Variants in TMEM255A observed in about 807,000 individuals in gnomAD.
TMEM255A encodes the protein transmembrane protein 255A.
Under a neutral mutation model 23.5 loss-of-function variants are expected in TMEM255A, and 14 were observed. The observed-to-expected ratio is 0.60, with a 90% CI of 0.39 to 0.93. The LOEUF is 0.93. Ranked by LOEUF, TMEM255A falls within the 40% of genes least tolerant of loss-of-function variation. TMEM255A has a pLI of 0.00. For missense variants in TMEM255A, 233 were observed against 261.7 expected (o/e 0.89, Z 0.76); for synonymous variants, 104 against 100.3 (o/e 1.04, Z -0.22).
chrX:120,302,620 C>G (rs1556026207), intron 2 of TMEM255A, among the ~76,000 whole-genome samples: 1 of 110,079 alleles, frequency 9.1e-6, no homozygotes, highest in African/African-American at 3.3e-5. Context: ...ATGTTTAACA[C>G]AGGGCACCAA....
chrX:120,287,226 A>G lies in TMEM255A; in HGVS notation c.355-4T>C. ...TAGCGTAGAGTGGTTTCAGATCCTG[A>G]AAAGGGAAACACCAAAACAAAGGGG... On this transcript the variant is annotated splice_polypyrimidine_tract_variant and splice_region_variant and intron_variant, in intron 4 of 8. Transcript: ENST00000371369. 1 of 1,205,571 alleles carries G rather than the reference A, an allele frequency of 8.3e-7. No homozygotes were observed. Among genetic ancestry groups the G allele is most frequent in the Non-Finnish European group, 1.1e-6 (1 of 890,731 alleles).
intron 3 of TMEM255A, among the ~76,000 whole-genome samples, chrX:120,292,760 G>A (rs1181512457): frequency 9.9e-6 from 1 of 101,437 alleles, no homozygotes; most frequent in East Asian, 3.0e-4. Context: ...ACTCCATCTC[G>A]AAAAAAAAAA....
intron 1 of TMEM255A, chrX:120,310,089 A>G (rs782656050): frequency 1.5e-4 from 17 of 111,087 alleles, no homozygotes; most frequent in Non-Finnish European, 2.6e-4. Context: ...ATGTTCCCGC[A>G]AATTCATCGG....
chrX:120,253,578 A>G, the TMEM255A span: 1 of 1,212,045 alleles, frequency 8.3e-7, no homozygotes, highest in East Asian at 3.0e-5. Flanking sequence ...AGCTTCTAGT[A>G]CCTACTTCCA....
chrX:120,281,006 T>C lies in TMEM255A; in HGVS notation c.513-3959A>G, dbSNP rs187994945. The stretch of plus-strand genomic sequence containing the variant: ...AGTCTATTCCTCTTAGTTTGGCACT[T>C]TGTATATATCAATAATTCAGTTATT... On this transcript the variant is annotated intron_variant, in intron 6 of 8. Transcript: ENST00000371369. Among the ~76,000 whole-genome samples the C allele has an allele frequency of 1.1e-4, 12 of 112,625 alleles. No homozygotes were observed. The East Asian group carries it at 2.8e-3, about 26-fold the overall frequency.
At chrX:120,311,208 C>G (rs1556028307) in intron 1 of TMEM255A, 44 bp downstream of exon 1, 19 of 1,123,413 alleles carry the variant, frequency 1.7e-5, no homozygotes, top group Middle Eastern at 4.8e-4. Flanking sequence ...CCAGGGCACT[C>G]AACCCCTGCT....
At position 120,287,233 on chromosome X, in the gene TMEM255A, A is replaced by T. The variant is rs368165000; in HGVS notation, c.355-11T>A. The T allele has an allele frequency of 8.4e-7, 1 of 1,196,931 alleles. No homozygotes were observed. Among genetic ancestry groups the T allele is most frequent in the Non-Finnish European group, 1.1e-6 (1 of 885,248 alleles). On this transcript the variant is annotated splice_polypyrimidine_tract_variant and intron_variant, in intron 4 of 8. Transcript: ENST00000371369. ...GAGTGGTTTCAGATCCTGAAAAGGG[A>T]AACACCAAAACAAAGGGGTTTTGAC...
At chrX:120,304,808 G>GTGGTT (rs1422634335) in intron 1 of TMEM255A, among the ~76,000 whole-genome samples, 1 of 112,055 alleles carries the variant, frequency 8.9e-6, no homozygotes, top group African/African-American at 3.2e-5. Context: ...ACTTAGTAGA[G>GTGGTT]TGGTTTTTTA....
downstream of TMEM255A, chrX:120,254,068 A>T (rs143114425): frequency 8.0e-4 from 968 of 1,209,253 alleles, no homozygotes; most frequent in Non-Finnish European, 9.2e-4. Context: ...GCACAGGTCC[A>T]ATCTAACCCA....
intron 3 of TMEM255A, among the ~76,000 whole-genome samples, chrX:120,291,972 A>T (rs1206492072): frequency 1.8e-5 from 2 of 111,367 alleles, no homozygotes; most frequent in African/African-American, 6.5e-5. Context: ...CAAAGGATTG[A>T]AGTCTCTGAA....
chrX:120,303,259 C>A (rs1443205657), intron 2 of TMEM255A, among the ~76,000 whole-genome samples: 1 of 111,284 alleles, frequency 9.0e-6, no homozygotes, highest in Admixed American at 9.6e-5. Flanking sequence ...AATAAGAAAC[C>A]AAACATTACT....
chrX:120,298,411 TTAAAA>T (rs1172948080), intron 2 of TMEM255A, among the ~76,000 whole-genome samples: 1 of 111,531 alleles, frequency 9.0e-6, no homozygotes, highest in Non-Finnish European at 1.9e-5. Flanking sequence ...CACAAAGTTC[TTAAAA>T]TAAAAAAGTG....
In TMEM255A at chrX:120,291,345, A is replaced by AG. The variant is rs782250675; in HGVS notation, c.265-6dup. The AG allele has an allele frequency of 8.3e-7, 1 of 1,199,104 alleles. No individual in the cohort carries two copies. The highest frequency in any genetic ancestry group is 1.8e-5 in the South Asian group (1 of 55,586). ...AAACACGATAGAAGCCACCAGCTGT[A>AG]GGGGGGAATAAAACAAAAGCGTCTG... On this transcript the variant is annotated splice_region_variant and splice_polypyrimidine_tract_variant and intron_variant, in intron 3 of 8. Coordinates refer to ENST00000371369, the MANE Select transcript of TMEM255A (RefSeq NM_001104544.3).
intron 5 of TMEM255A, chrX:120,285,508 A>G (rs782165241): frequency 1.9e-4 from 188 of 978,122 alleles, no homozygotes; most frequent in Non-Finnish European, 2.5e-4. Context: ...GGAAGAACAA[A>G]TGGACTGAAG....
intron 8 of TMEM255A, among the ~76,000 whole-genome samples, chrX:120,267,721 C>T (rs782628652): frequency 8.9e-6 from 1 of 111,938 alleles, no homozygotes; most frequent in Admixed American, 9.5e-5. Context: ...TAAAAATACT[C>T]TGTGTATTGC....
intron 1 of TMEM255A, among the ~76,000 whole-genome samples, chrX:120,307,345 CG>C: frequency 9.0e-6 from 1 of 111,643 alleles, no homozygotes; most frequent in Admixed American, 9.5e-5. Flanking sequence ...GAAGTACAGC[CG>C]TGTTCTTATT....
intron 8 of TMEM255A, among the ~76,000 whole-genome samples, chrX:120,263,762 C>A (rs2057696401): frequency 1.0e-5 from 1 of 99,921 alleles, no homozygotes; most frequent in African/African-American, 3.8e-5. Flanking sequence ...GAGTCAGGAA[C>A]AAGGGAAAGG....
chrX:120,270,345 G>A (rs1385391718), intron 7 of TMEM255A, among the ~76,000 whole-genome samples: 3 of 109,550 alleles, frequency 2.7e-5, no homozygotes, highest in East Asian at 5.7e-4. Context: ...TGGGGCTTAC[G>A]TTGTGAGACG....
chrX:120,281,094 C>T (rs1016618588), intron 6 of TMEM255A, among the ~76,000 whole-genome samples: 4 of 112,331 alleles, frequency 3.6e-5, no homozygotes, highest in Non-Finnish European at 7.5e-5. Context: ...GCTAATGTTA[C>T]AATCAAGGCC....
Sources: allele counts gnomAD v4.1 joint callset (sites outside exome capture counted in the v4.1 genomes callset), GRCh38; gene constraint gnomAD v4.1.1; transcripts MANE v1.5; gene names NCBI Gene and HGNC (gene_info 2026-07-23, HGNC 2026-07-21).